Variants in FAM13C observed in about 807,000 individuals in gnomAD.
The protein encoded by FAM13C is family with sequence similarity 13 member C.
FAM13C carries 37 observed loss-of-function variants against 73.2 expected under a neutral mutation model. The observed-to-expected ratio is 0.51, with a 90% CI of 0.39 to 0.67. The LOEUF (loss-of-function observed/expected upper bound fraction) is 0.67. Ranked by LOEUF, FAM13C falls within the 30% of genes least tolerant of loss-of-function variation. FAM13C has a pLI of 0.00. For synonymous variants in FAM13C, 246 were observed against 260.9 expected (o/e 0.94, Z 0.55); for missense variants, 589 against 715.6 (o/e 0.82, Z 2.02).
chr10:59,322,120 T>C (rs1435594981), intron 4 of FAM13C, among the ~76,000 whole-genome samples: 2 of 152,222 alleles, frequency 1.3e-5, no homozygotes, highest in African/African-American at 4.8e-5. Flanking sequence ...GAATGTGAGC[T>C]ACCTGATTCA....
At chr10:59,283,567 G>A (rs892425816) in intron 5 of FAM13C, 120 bp from the exon 6 acceptor site, 1 of 968,784 alleles carries the variant, frequency 1.0e-6, no homozygotes, top group South Asian at 1.3e-5. Flanking sequence ...ACACAACAGT[G>A]TGTCCGCAGC....
intron 3 of FAM13C, among the ~76,000 whole-genome samples, chr10:59,327,056 A>G (rs1317151899): frequency 6.6e-6 from 1 of 152,184 alleles, no homozygotes; most frequent in African/African-American, 2.4e-5. Flanking sequence ...TTCAAAAATG[A>G]GAAAGGTGAA....
intron 4 of FAM13C, among the ~76,000 whole-genome samples, chr10:59,314,461 C>T (rs1849291220): frequency 1.3e-5 from 2 of 152,326 alleles, no homozygotes; most frequent in Admixed American, 1.3e-4. Flanking sequence ...CTGGAACTAG[C>T]ATCCAGGTCT....
intron 4 of FAM13C, among the ~76,000 whole-genome samples, chr10:59,318,655 T>C (rs1232846076): frequency 6.8e-6 from 1 of 147,746 alleles, no homozygotes; most frequent in East Asian, 2.0e-4. Context: ...TGTTTCTGCA[T>C]CCACGGAGGG....
intron 6 of FAM13C, among the ~76,000 whole-genome samples, chr10:59,273,031 T>C (rs1052191823): frequency 1.4e-4 from 21 of 152,190 alleles, no homozygotes; most frequent in African/African-American, 5.1e-4. Flanking sequence ...ATGATCTCTC[T>C]GAAACTATTT....
intron 4 of FAM13C, among the ~76,000 whole-genome samples, chr10:59,315,513 G>C (rs1233307505): frequency 6.6e-6 from 1 of 152,012 alleles, no homozygotes; most frequent in Non-Finnish European, 1.5e-5. Context: ...GAAAATCTGG[G>C]GGCTATTTGT....
rs144937617 is a variant in FAM13C at position 59,297,581 on chromosome 10, G to A, written c.507+5220C>T. ...GCCCCTGACATTCAGTTACTTCAAG[G>A]TCCAGGCTGACAATCATGCTATTGT... is the stretch of plus-strand genomic sequence containing the variant. On this transcript the variant is annotated intron_variant, in intron 5 of 13. Transcript: ENST00000618804. Among the ~76,000 whole-genome samples the A allele has an allele frequency of 1.6e-3, 242 of 152,102 alleles. 1 individual carries two copies. The highest frequency in any genetic ancestry group is 3.4e-3 in the Middle Eastern group (1 of 294).
At chr10:59,291,867 C>A (rs1234942928) in intron 5 of FAM13C, among the ~76,000 whole-genome samples, 1 of 141,750 alleles carries the variant, frequency 7.1e-6, no homozygotes, top group East Asian at 2.1e-4. Flanking sequence ...CGGCTCACTG[C>A]AAGCTCCACC....
chr10:59,358,084 G>A (rs1023873922), intron 1 of FAM13C, among the ~76,000 whole-genome samples: 27 of 152,064 alleles, frequency 1.8e-4, no homozygotes, highest in African/African-American at 6.3e-4. Context: ...TGTTACCTCT[G>A]GCAATTAAAA....
At chr10:59,275,095 G>A (rs1219432250) in intron 6 of FAM13C, among the ~76,000 whole-genome samples, 1 of 152,174 alleles carries the variant, frequency 6.6e-6, no homozygotes, top group East Asian at 1.9e-4. Flanking sequence ...TCAAATGGGA[G>A]TTTTCATTTA....
intron 2 of FAM13C, among the ~76,000 whole-genome samples, chr10:59,355,231 C>T (rs967513470): frequency 6.6e-6 from 1 of 152,084 alleles, no homozygotes; most frequent in Non-Finnish European, 1.5e-5. Flanking sequence ...TGTCTTTCTT[C>T]ATCCCAAATC....
At chr10:59,268,219 AAAAGAAAAAGAAG>A (rs1000978766) in intron 8 of FAM13C, among the ~76,000 whole-genome samples, 1 of 141,464 alleles carries the variant, frequency 7.1e-6, no homozygotes, top group African/African-American at 3.0e-5. Context: ...AAAAAAAGAA[AAAAGAAAAAGAAG>A]AAGAAGAAGA....
intron 4 of FAM13C, among the ~76,000 whole-genome samples, chr10:59,322,522 A>T (rs1850454345): frequency 6.6e-6 from 1 of 152,200 alleles, no homozygotes; most frequent in South Asian, 2.1e-4. Flanking sequence ...ACAAAATGGG[A>T]TACACAATGG....
chr10:59,264,300 G>C (rs1208261183), intron 8 of FAM13C, 134 bp from the exon 9 acceptor site: 1 of 632,772 alleles, frequency 1.6e-6, no homozygotes, highest in Non-Finnish European at 2.7e-6. Flanking sequence ...ATATAAAGCT[G>C]GGAGAGAAAT....
At chr10:59,299,456 G>A (rs1432422528) in intron 5 of FAM13C, among the ~76,000 whole-genome samples, 3 of 149,870 alleles carry the variant, frequency 2.0e-5, no homozygotes, top group Non-Finnish European at 4.4e-5. Context: ...TTGATGTGGT[G>A]CTCTTTCATA....
intron 10 of FAM13C, among the ~76,000 whole-genome samples, chr10:59,255,584 G>A (rs1435410069): frequency 6.6e-6 from 1 of 152,066 alleles, no homozygotes; most frequent in Non-Finnish European, 1.5e-5. Context: ...GGCAAGTAGT[G>A]GGAAGGGAAT....
At chr10:59,306,421 T>A (rs1210426003) in intron 4 of FAM13C, among the ~76,000 whole-genome samples, 1 of 152,218 alleles carries the variant, frequency 6.6e-6, no homozygotes, top group Non-Finnish European at 1.5e-5. Context: ...GTCTACTGTG[T>A]GCCTGGTCCA....
chr10:59,313,161 G>C (rs1012670403), intron 4 of FAM13C, among the ~76,000 whole-genome samples: 4 of 152,186 alleles, frequency 2.6e-5, no homozygotes, highest in Non-Finnish European at 4.4e-5. Context: ...TAACACCTCA[G>C]AGAAACATGT....
chr10:59,300,407 A>G (rs948888783), intron 5 of FAM13C, among the ~76,000 whole-genome samples: 6 of 152,164 alleles, frequency 3.9e-5, no homozygotes, highest in African/African-American at 1.2e-4. Flanking sequence ...GAGTGCAGTT[A>G]TGGAACTGGT....
Sources: gnomAD v4.1 joint callset for allele counts (sites outside exome capture counted in the v4.1 genomes callset) on GRCh38, gnomAD v4.1.1 for gene constraint, MANE v1.5 for transcripts, NCBI Gene and HGNC (gene_info 2026-07-23, HGNC 2026-07-21) for gene names.